The following NEDD4 variants were observed in gnomAD, a reference collection of about 807,000 sequenced individuals.
NEDD4 encodes the protein NEDD4 E3 ubiquitin protein ligase.
Under a neutral mutation model 144.9 loss-of-function variants are expected in NEDD4, and 99 were observed. The ratio of observed to expected loss-of-function variants is 0.68; its 90% CI spans 0.58 to 0.81. NEDD4 has a LOEUF of 0.81. NEDD4 is among the 30% of genes least tolerant of loss of function. NEDD4 has a pLI of 0.00. For synonymous variants in NEDD4, 318 were observed against 350.6 expected, an observed-to-expected ratio of 0.91 and a Z score of 1.04; for missense variants, 985 against 1,065.9, an observed-to-expected ratio of 0.92 and a Z score of 1.06.
intron 2 of NEDD4, among the ~76,000 whole-genome samples, chr15:55,964,718 TG>T (rs1171308650): frequency 6.6e-6 from 1 of 151,214 alleles, no homozygotes; most frequent in Non-Finnish European, 1.5e-5. Context: ...TGTGTGTGTG[TG>T]TGTGTGTGTG....
At chr15:55,954,698 A>AT (rs1207253884) in intron 2 of NEDD4, among the ~76,000 whole-genome samples, 2 of 151,814 alleles carry the variant, frequency 1.3e-5, no homozygotes, top group Non-Finnish European at 2.9e-5. Context: ...CTAATTTTGT[A>AT]TTTTTAGTAG....
Position 55,829,838 on chromosome 15 carries a change from G to A in NEDD4, c.*59C>T. The A allele has an allele frequency of 7.4e-7, 1 of 1,354,920 alleles. No homozygotes were observed. The highest frequency in any genetic ancestry group is 1.9e-4 in the Middle Eastern group (1 of 5,170). 83.9% of individuals were successfully genotyped at this position (1,354,920 alleles called of 1,614,324 possible). On this transcript the variant is annotated 3_prime_UTR_variant, in exon 29 of 29. Transcript: ENST00000435532. ...TTAGTAGTTCCCCGGAAAATTTTAAGTCAAGATTTTGGTTATAAAACTATG... is the reference window on the plus strand; with the variant it reads ...TTAGTAGTTCCCCGGAAAATTTTAAATCAAGATTTTGGTTATAAAACTATG...
intron 2 of NEDD4, among the ~76,000 whole-genome samples, chr15:55,954,042 A>G (rs771103342): frequency 8.6e-5 from 13 of 151,870 alleles, no homozygotes; most frequent in Non-Finnish European, 4.4e-5. Context: ...AATTCATGTT[A>G]CACTTCAAAA....
rs879361531 is a variant in NEDD4, at chr15:55,841,796, A to C, written c.1838+138T>G. On this transcript the variant is annotated intron_variant, in intron 19 of 28. Coordinates refer to ENST00000435532, the MANE Select transcript of NEDD4 (RefSeq NM_006154.4). ...CCGTGTTAGCTAGGATGGTCTCGAT[A>C]TCCTGACCTTGTGATCCGCCCGCCT... 5.6e-4 allele frequency: 382 copies of C among 676,514 alleles called. 1 individual carries two copies. Among genetic ancestry groups the C allele is most frequent in the Middle Eastern group, 2.6e-3 (7 of 2,666 alleles). 41.9% of individuals were successfully genotyped at this position (676,514 alleles called of 1,614,324 possible).
At chr15:55,877,800 ATT>A (rs2035045798) in intron 5 of NEDD4, among the ~76,000 whole-genome samples, 1 of 152,226 alleles carries the variant, frequency 6.6e-6, no homozygotes, top group South Asian at 2.1e-4. Context: ...ACTCATTGAT[ATT>A]TGTTTTATAT....
chr15:55,968,471 T>G (rs2037553707), intron 1 of NEDD4, among the ~76,000 whole-genome samples: 1 of 149,968 alleles, frequency 6.7e-6, no homozygotes, highest in African/African-American at 2.5e-5. Flanking sequence ...TAGATACTTC[T>G]TCCTGTAGAC....
chr15:55,856,277 A>C, intron 11 of NEDD4, 81 bp from the exon 12 acceptor site: 1 of 1,208,054 alleles, frequency 8.3e-7, no homozygotes, highest in Non-Finnish European at 1.2e-6. Context: ...AGTGAGGGTA[A>C]ATATGACAGG....
At chr15:55,847,171 A>C in intron 17 of NEDD4, 137 bp from the exon 18 acceptor site, 1 of 488,180 alleles carries the variant, frequency 2.0e-6, no homozygotes, top group Non-Finnish European at 3.7e-6. Flanking sequence ...TAGAAGAAAA[A>C]CAAATACAAA....
At chr15:55,937,441 T>C (rs763238896) in intron 4 of NEDD4, among the ~76,000 whole-genome samples, 3 of 152,168 alleles carry the variant, frequency 2.0e-5, no homozygotes, top group Non-Finnish European at 2.9e-5. Context: ...CTAAGCATAA[T>C]GAATTAGCAT....
intron 5 of NEDD4, among the ~76,000 whole-genome samples, chr15:55,876,473 T>C (rs1261565785): frequency 6.6e-6 from 1 of 152,088 alleles, no homozygotes; most frequent in East Asian, 1.9e-4. Flanking sequence ...AATGACAACA[T>C]TGTGCACAAG....
At chr15:55,965,194 C>T (rs1358607223) in intron 2 of NEDD4, among the ~76,000 whole-genome samples, 1 of 152,022 alleles carries the variant, frequency 6.6e-6, no homozygotes, top group African/African-American at 2.4e-5. Flanking sequence ...GCCACAAATC[C>T]TGTTTTTGGT....
chr15:55,855,821 A>C (rs2034170916), intron 12 of NEDD4, among the ~76,000 whole-genome samples: 1 of 152,246 alleles, frequency 6.6e-6, no homozygotes, highest in African/African-American at 2.4e-5. Flanking sequence ...GAACATCAGC[A>C]AATGGACACA....
At chr15:55,841,763 G>C (rs1314236535) in intron 19 of NEDD4, among the ~76,000 whole-genome samples, 171 bp downstream of exon 19, 2 of 152,132 alleles carry the variant, frequency 1.3e-5, no homozygotes, top group African/African-American at 4.8e-5. Context: ...AGTAGAGACG[G>C]GGTTTCACCG....
chr15:55,887,226 G>T (rs1258788891), intron 5 of NEDD4, among the ~76,000 whole-genome samples: 1 of 151,582 alleles, frequency 6.6e-6, no homozygotes, highest in Non-Finnish European at 1.5e-5. Context: ...TTTAAAAAAA[G>T]ATAAACAAAA....
At chr15:55,948,879 A>T (rs566512478) in intron 4 of NEDD4, among the ~76,000 whole-genome samples, 91 of 152,360 alleles carry the variant, frequency 6.0e-4, no homozygotes, top group South Asian at 2.3e-3. Flanking sequence ...AGTACCATTC[A>T]GGACATAGGC....
intron 21 of NEDD4, among the ~76,000 whole-genome samples, chr15:55,839,999 AATATATATATAT>A (rs1176994871): frequency 0.017 from 433 of 25,878 alleles, 7 homozygotes; most frequent in African/African-American, 0.033. Flanking sequence ...AAAAAAAAAA[AATATATATATAT>A]ATATATATAT....
chr15:55,923,012 CGT>C (rs1285617461), intron 5 of NEDD4, among the ~76,000 whole-genome samples: 18 of 151,834 alleles, frequency 1.2e-4, no homozygotes, highest in African/African-American at 3.6e-4. Flanking sequence ...GGTGAAACCC[CGT>C]CTCTACTAAA....
chr15:55,836,758 C>T (rs1234802549), intron 24 of NEDD4, among the ~76,000 whole-genome samples: 5 of 152,126 alleles, frequency 3.3e-5, no homozygotes, highest in Admixed American at 2.6e-4. Context: ...AAACTCCTGA[C>T]CTCAGGCAAT....
At chr15:55,871,110 G>A (rs544322031) in intron 7 of NEDD4, among the ~76,000 whole-genome samples, 21 of 152,080 alleles carry the variant, frequency 1.4e-4, no homozygotes, top group Non-Finnish European at 1.9e-4. Flanking sequence ...ATCCTTTCAT[G>A]AGTAGTCAGT....
Sources: gnomAD v4.1 joint callset for allele counts (sites outside exome capture counted in the v4.1 genomes callset) on GRCh38, gnomAD v4.1.1 for gene constraint, MANE v1.5 for transcripts, NCBI Gene and HGNC (gene_info 2026-07-23, HGNC 2026-07-21) for gene names.